NRP1: variants seen among roughly 807,000 people sequenced by gnomAD.
The protein encoded by NRP1 is neuropilin 1.
NRP1 carries 35 observed loss-of-function variants against 106.7 expected under a neutral mutation model. That is an observed-to-expected ratio of 0.33 (90% confidence interval 0.25 to 0.43). The LOEUF is 0.43. Ranked by LOEUF, NRP1 falls within the 20% of genes least tolerant of loss-of-function variation. The pLI, the probability that NRP1 is intolerant of heterozygous loss-of-function variation, is 1.00. For missense variants in NRP1, 1,024 were observed against 1,170.4 expected (o/e 0.87, Z 1.83); for synonymous variants, 437 against 417.9 (o/e 1.05, Z -0.56).
At chr10:33,188,873 A>G (rs1836201610) in intron 13 of NRP1, among the ~76,000 whole-genome samples, 1 of 145,802 alleles carries the variant, frequency 6.9e-6, no homozygotes. Context: ...AGATCACACC[A>G]CTGCACTCCA....
chr10:33,250,514 T>C (rs1352022472), intron 6 of NRP1, among the ~76,000 whole-genome samples: 2 of 152,156 alleles, frequency 1.3e-5, no homozygotes, highest in Non-Finnish European at 2.9e-5. Context: ...ACCCAACCCA[T>C]CTCAACGTGA....
At chr10:33,334,225 G>A in intron 1 of NRP1, 85 bp downstream of exon 1, 1 of 1,273,242 alleles carries the variant, frequency 7.9e-7, no homozygotes, top group South Asian at 1.3e-5. Flanking sequence ...GGCTGATCCC[G>A]GGAAGCCCCG....
At position 33,300,845 on chromosome 10, in the gene NRP1, A is replaced by G. The variant is rs191660166; in HGVS notation, c.248+29863T>C. Among the ~76,000 whole-genome samples the G allele has an allele frequency of 4.2e-3, 640 of 152,278 alleles. 3 individuals carry two copies. Among genetic ancestry groups the G allele is most frequent in the African/African-American group, 0.014 (599 of 41,560 alleles). ...CAGACTGAACCAATGTTCATCTTAC[A>G]TATGTTGATTGATGTCTCATGTCTC... On this transcript the variant is annotated intron_variant, in intron 2 of 16. Transcript: ENST00000374867.
At position 33,226,192 on chromosome 10, in the gene NRP1, A is replaced by G. The variant is rs1839653551; in HGVS notation, c.1079T>C (p.Ile360Thr). Residue 360 changes from isoleucine (I) to threonine (T), a missense_variant, in exon 7 of 17, where the codon ATC (isoleucine) becomes ACC (threonine). Coordinates refer to ENST00000374867, the MANE Select transcript of NRP1 (RefSeq NM_003873.7). The part of the protein sequence containing the change: ...KKKYYVKTYK[I>T]DVSSNGEDWI... The stretch of plus-strand genomic sequence containing the variant: ...GTCTTCCCCGTTGGAGCTAACGTCG[A>G]TCTTGTAAGTCTTGACATAATATTT... 1.2e-6 allele frequency: 2 copies of G among 1,614,076 alleles called. No individual in the cohort carries two copies. The highest frequency in any genetic ancestry group is 1.7e-6 in the Non-Finnish European group (2 of 1,180,050).
At chr10:33,246,106 C>T (rs4934847) in intron 6 of NRP1, among the ~76,000 whole-genome samples, 26,597 of 149,278 alleles carry the variant, frequency 0.18, 2,780 homozygotes, top group East Asian at 0.52. Flanking sequence ...CCAAAATGGT[C>T]AAAATCATAT....
intron 15 of NRP1, 143 bp downstream of exon 15, chr10:33,185,485 C>T (rs1371815756): frequency 3.2e-6 from 2 of 618,944 alleles, no homozygotes; most frequent in Admixed American, 5.9e-5. Flanking sequence ...TGCCCTGTTG[C>T]ACCAGAATAC....
At chr10:33,320,101 T>TC (rs1847382615) in intron 2 of NRP1, among the ~76,000 whole-genome samples, 1 of 150,654 alleles carries the variant, frequency 6.6e-6, no homozygotes, top group African/African-American at 2.4e-5. Context: ...TCACCTGAGG[T>TC]CAGGAGTTTG....
chr10:33,329,904 C>T (rs967662004), intron 2 of NRP1, among the ~76,000 whole-genome samples: 13 of 152,128 alleles, frequency 8.5e-5, no homozygotes, highest in African/African-American at 2.9e-4. Flanking sequence ...AAAGCAATAT[C>T]CACATACCAG....
chr10:33,286,841 A>C (rs556294922), intron 2 of NRP1, among the ~76,000 whole-genome samples: 12 of 152,196 alleles, frequency 7.9e-5, no homozygotes, highest in African/African-American at 2.9e-4. Flanking sequence ...GCCAAATCTT[A>C]TAGTCCATTT....
chr10:33,224,939 G>A (rs1038159058), intron 7 of NRP1, among the ~76,000 whole-genome samples: 3 of 152,120 alleles, frequency 2.0e-5, no homozygotes, highest in African/African-American at 7.2e-5. Context: ...TAGAGTTAGT[G>A]ATTTTTTATT....
intron 11 of NRP1, among the ~76,000 whole-genome samples, chr10:33,199,359 GCTGT>G (rs1262003839): frequency 1.3e-5 from 1 of 76,554 alleles, no homozygotes; most frequent in African/African-American, 4.9e-5. Flanking sequence ...ACCATGCCTG[GCTGT>G]TTTCTATATA....
intron 2 of NRP1, among the ~76,000 whole-genome samples, chr10:33,291,283 G>A (rs919300106): frequency 1.9e-4 from 29 of 152,256 alleles, no homozygotes; most frequent in East Asian, 3.9e-4. Context: ...TTTAAGTAAC[G>A]CAATCTGGCT....
intron 2 of NRP1, among the ~76,000 whole-genome samples, chr10:33,289,789 T>A (rs1050026607): frequency 2.0e-5 from 3 of 152,252 alleles, no homozygotes; most frequent in Non-Finnish European, 4.4e-5. Context: ...TGCTACGTTT[T>A]ATCGTTATCA....
chr10:33,331,703 C>T (rs1848298598), intron 1 of NRP1, among the ~76,000 whole-genome samples: 1 of 152,150 alleles, frequency 6.6e-6, no homozygotes, highest in South Asian at 2.1e-4. Context: ...GCCTTCATTT[C>T]AAAAATGCTC....
chr10:33,225,980 C>A (rs1839632563), intron 7 of NRP1, among the ~76,000 whole-genome samples, 154 bp downstream of exon 7: 1 of 152,160 alleles, frequency 6.6e-6, no homozygotes, highest in East Asian at 1.9e-4. Flanking sequence ...GAACATGAGA[C>A]CCCTTGGTTA....
In NRP1 at chr10:33,213,418, T is replaced by C. The variant is rs1340253141; in HGVS notation, c.1582A>G (p.Met528Val). The C allele has an allele frequency of 2.5e-6, 4 of 1,614,000 alleles. No individual in the cohort carries two copies. The South Asian group carries it at 4.4e-5, about 18-fold the overall frequency. The part of the protein sequence containing the change: ...GYSNNGSDWK[M>V]IMDDSKRKAK... ...TTGCGTTTGCTGTCATCCATGATCA[T>C]CTTCCAGTCCGAGCCGTTGTTGCTG... Residue 528 changes from methionine (M) to valine (V), a missense_variant, in exon 9 of 17, where the codon ATG becomes GTG. Met to Val is a conservative substitution (Grantham distance 21). Around this residue, in one of 5 missense-constraint regions of NRP1, gnomAD observed 562 missense variants for 620.3 expected, o/e 0.91. Coordinates refer to ENST00000374867, the MANE Select transcript of NRP1 (RefSeq NM_003873.7).
At chr10:33,226,391 G>C in intron 6 of NRP1, 102 bp from the exon 7 acceptor site, 2 of 1,240,652 alleles carry the variant, frequency 1.6e-6, no homozygotes, top group African/African-American at 3.0e-5. Context: ...CATCCACCTG[G>C]GATCAACAGG....
At chr10:33,305,922 C>T (rs896243018) in intron 2 of NRP1, among the ~76,000 whole-genome samples, 2 of 151,942 alleles carry the variant, frequency 1.3e-5, no homozygotes, top group African/African-American at 4.8e-5. Context: ...GCACATACCA[C>T]CACGCCCGGC....
chr10:33,205,702 A>T (rs1192396473), intron 10 of NRP1: 1 of 154,842 alleles, frequency 6.5e-6, no homozygotes, highest in Non-Finnish European at 1.4e-5. Context: ...TGATCCATCA[A>T]GTACAGGGTC....
Sources: allele counts gnomAD v4.1 joint callset (sites outside exome capture counted in the v4.1 genomes callset), GRCh38; gene constraint gnomAD v4.1.1; regional missense constraint gnomAD v4.1.1; transcripts MANE v1.5; gene names NCBI Gene and HGNC (gene_info 2026-07-23, HGNC 2026-07-21).